Variants in TENM4 observed in about 807,000 individuals in gnomAD.
TENM4 encodes teneurin transmembrane protein 4.
Under a neutral mutation model 243.3 loss-of-function variants are expected in TENM4, and 82 were observed. That is an observed-to-expected ratio of 0.34 (90% confidence interval 0.28 to 0.40). The LOEUF (loss-of-function observed/expected upper bound fraction) is 0.40, where lower values mean the gene tolerates loss of function less well. Ranked by LOEUF, TENM4 falls within the 10% of genes least tolerant of loss-of-function variation. The pLI, the probability that TENM4 is intolerant of heterozygous loss-of-function variation, is 1.00. For synonymous variants in TENM4, 1,412 were observed against 1,456.3 expected, an observed-to-expected ratio of 0.97 and a Z score of 0.69; for missense variants, 3,138 against 3,673.3, an observed-to-expected ratio of 0.85 and a Z score of 3.77.
At chr11:79,402,388 C>T (rs1339051633) in intron 1 of TENM4, among the ~76,000 whole-genome samples, 9 of 152,200 alleles carry the variant, frequency 5.9e-5, no homozygotes, top group African/African-American at 2.2e-4. Context: ...TACCATCTAT[C>T]CCTTTAGTAG....
rs182399231 is a variant in TENM4 at position 79,057,166 on chromosome 11, C to G, written c.493+7572G>C. Among the ~76,000 whole-genome samples, 29 of 152,300 alleles carry G rather than the reference C, an allele frequency of 1.9e-4. No homozygotes were observed. In the East Asian group the frequency reaches 3.1e-3, roughly 16 times the overall value. ...ACTTCAGCCTTTGCCTGTTAGTCTACTCTCAACACAGCTTCCAGAATCATC... is the reference window on the plus strand; with the variant it reads ...ACTTCAGCCTTTGCCTGTTAGTCTAGTCTCAACACAGCTTCCAGAATCATC... On this transcript the variant is annotated intron_variant, in intron 6 of 33. Coordinates refer to ENST00000278550, the MANE Select transcript of TENM4 (RefSeq NM_001098816.3).
chr11:79,090,752 G>T (rs1041607910), intron 4 of TENM4, among the ~76,000 whole-genome samples: 1 of 152,186 alleles, frequency 6.6e-6, no homozygotes, highest in Non-Finnish European at 1.5e-5. Context: ...TTGGGACTTG[G>T]TGGCTCACCA....
intron 6 of TENM4, among the ~76,000 whole-genome samples, chr11:78,923,106 A>G (rs1400049349): frequency 6.6e-6 from 1 of 152,110 alleles, no homozygotes; most frequent in African/African-American, 2.4e-5. Flanking sequence ...GAACACTTAA[A>G]CATTGTATGC....
Position 78,658,948 on chromosome 11 carries a change from G to A in TENM4, c.7552-132C>T, listed in dbSNP as rs11237581. ...ACCTGCGGCATGTAGCTCTACCGCT[G>A]ACCACCAGAACATCCAGGTGGTCGC... On this transcript the variant is annotated intron_variant, in intron 33 of 33. Transcript: ENST00000278550. The A allele has an allele frequency of 6.5e-3, 6,808 of 1,052,380 alleles. 312 individuals carry two copies. The African/African-American group carries it at 0.096, about 15-fold the overall frequency. The allele number at this position is 1,052,380 out of a possible 1,614,324, so 65.2% of individuals were successfully genotyped here.
chr11:79,146,585 A>G (rs1254063919), intron 4 of TENM4, among the ~76,000 whole-genome samples: 2 of 152,070 alleles, frequency 1.3e-5, no homozygotes, highest in Non-Finnish European at 2.9e-5. Flanking sequence ...ATGGAACCAA[A>G]GATACCTTCA....
At chr11:79,009,512 T>C (rs1858587020) in intron 6 of TENM4, among the ~76,000 whole-genome samples, 1 of 152,152 alleles carries the variant, frequency 6.6e-6, no homozygotes, top group Non-Finnish European at 1.5e-5. Context: ...GGGTAATAAA[T>C]GCCATTTGTG....
chr11:78,720,232 G>C (rs1267703603), intron 25 of TENM4, 138 bp downstream of exon 25: 1 of 994,110 alleles, frequency 1.0e-6, no homozygotes, highest in Non-Finnish European at 1.6e-6. Context: ...TCCTCCCATT[G>C]CAACTGATTA....
chr11:78,686,361 C>G (rs1399283135), intron 29 of TENM4, among the ~76,000 whole-genome samples: 1 of 152,202 alleles, frequency 6.6e-6, no homozygotes, highest in African/African-American at 2.4e-5. Flanking sequence ...ATCTCTTCGT[C>G]TATACCCTTG....
At position 79,337,354 on chromosome 11, in the gene TENM4, C is replaced by T. The variant is rs944539881; in HGVS notation, c.-320-39811G>A. On this transcript the variant is annotated intron_variant, in intron 1 of 33. Coordinates refer to ENST00000278550, the MANE Select transcript of TENM4 (RefSeq NM_001098816.3). ...CATCCACAGCCCAGCCATGTGTATA[C>T]CATGTGATCGTGCCTCACCGTGATC... Among the ~76,000 whole-genome samples, 8 of 152,272 alleles carry T rather than the reference C, an allele frequency of 5.3e-5. No homozygotes were observed. In the East Asian group the frequency reaches 1.4e-3, roughly 26 times the overall value.
chr11:79,065,592 G>T (rs116539627), intron 5 of TENM4, among the ~76,000 whole-genome samples: 2 of 152,224 alleles, frequency 1.3e-5, no homozygotes, highest in African/African-American at 2.4e-5. Context: ...GGGGCCAGAA[G>T]TTCCTTTCTG....
In TENM4 at chr11:79,065,223, C is replaced by G. The variant is rs533299898; in HGVS notation, c.224-216G>C. On this transcript the variant is annotated intron_variant, in intron 5 of 33. Transcript: ENST00000278550. ...CCTGAACCCTCCATTTCCCTTAAGC[C>G]TCAACTCAAATGGCACCTGCTCTGT... is the stretch of plus-strand genomic sequence containing the variant. Among the ~76,000 whole-genome samples, 286 of 152,306 alleles carry G rather than the reference C, an allele frequency of 1.9e-3. 11 individuals carry two copies. In the South Asian group the frequency reaches 0.049, roughly 26 times the overall value.
intron 6 of TENM4, among the ~76,000 whole-genome samples, chr11:78,981,214 T>A (rs1031334072): frequency 2.0e-5 from 3 of 152,200 alleles, no homozygotes; most frequent in Non-Finnish European, 4.4e-5. Context: ...GATGACTGCA[T>A]TCAAGTGTCA....
chr11:79,186,859 AG>A (rs1244686311), intron 3 of TENM4, among the ~76,000 whole-genome samples: 5 of 152,376 alleles, frequency 3.3e-5, no homozygotes, highest in African/African-American at 7.2e-5. Flanking sequence ...TTATGCACAC[AG>A]CTCTAATTTA....
At chr11:78,881,166 G>A (rs1159048504) in intron 9 of TENM4, among the ~76,000 whole-genome samples, 1 of 152,226 alleles carries the variant, frequency 6.6e-6, no homozygotes, top group East Asian at 1.9e-4. Context: ...TTCAATCCTA[G>A]TTAGGTCCCT....
intron 1 of TENM4, among the ~76,000 whole-genome samples, chr11:79,395,287 A>G (rs1373499733): frequency 6.6e-6 from 1 of 152,228 alleles, no homozygotes; most frequent in East Asian, 1.9e-4. Context: ...CTGTATAGGT[A>G]CCAACCATCG....
intron 2 of TENM4, chr11:79,269,590 G>T (rs1038374012): frequency 6.6e-6 from 1 of 152,436 alleles, no homozygotes; most frequent in African/African-American, 2.4e-5. Context: ...CCCTACCTGG[G>T]AGAGAGCAGG....
intron 19 of TENM4, among the ~76,000 whole-genome samples, chr11:78,750,351 G>C (rs1032408404): frequency 2.6e-5 from 4 of 152,216 alleles, no homozygotes; most frequent in African/African-American, 4.8e-5. Flanking sequence ...GATTTCATAA[G>C]GTACTAATGG....
At chr11:79,106,255 C>A (rs1487790561) in intron 4 of TENM4, among the ~76,000 whole-genome samples, 3 of 152,220 alleles carry the variant, frequency 2.0e-5, no homozygotes, top group African/African-American at 7.2e-5. Flanking sequence ...GGAAGGAGGG[C>A]AGGAATCTCC....
chr11:79,415,390 T>A (rs1858791516), intron 1 of TENM4, among the ~76,000 whole-genome samples: 1 of 152,230 alleles, frequency 6.6e-6, no homozygotes, highest in Non-Finnish European at 1.5e-5. Context: ...TATTTAAGTA[T>A]TCCGCATACC....
Sources: gnomAD v4.1 joint callset for allele counts (sites outside exome capture counted in the v4.1 genomes callset) on GRCh38, gnomAD v4.1.1 for gene constraint, MANE v1.5 for transcripts, NCBI Gene and HGNC (gene_info 2026-07-23, HGNC 2026-07-21) for gene names.